CTNND2: variants seen among roughly 807,000 people sequenced by gnomAD.
The protein encoded by CTNND2 is catenin delta 2.
CTNND2 carries 22 observed loss-of-function variants against 144.4 expected under a neutral mutation model. That is an observed-to-expected ratio of 0.15 (90% CI 0.11 to 0.22). The LOEUF is 0.22. CTNND2 is among the 10% of genes least tolerant of loss of function. The pLI is 1.00. For missense variants in CTNND2, 1,353 were observed against 1,618.8 expected (o/e 0.84, Z 2.82); for synonymous variants, 751 against 695.6 (o/e 1.08, Z -1.25).
chr5:11,115,246 AAAG>A (rs1753427130), intron 13 of CTNND2, among the ~76,000 whole-genome samples: 1 of 152,224 alleles, frequency 6.6e-6, no homozygotes, highest in Non-Finnish European at 1.5e-5. Context: ...CATCTGACAG[AAAG>A]AAGATGTTTG....
At chr5:11,496,092 T>G (rs1276547788) in intron 3 of CTNND2, among the ~76,000 whole-genome samples, 1 of 152,216 alleles carries the variant, frequency 6.6e-6, no homozygotes, top group Non-Finnish European at 1.5e-5. Context: ...TAAATACAAG[T>G]GAACACAATC....
At chr5:11,705,595 A>G (rs967599865) in intron 2 of CTNND2, among the ~76,000 whole-genome samples, 1 of 152,202 alleles carries the variant, frequency 6.6e-6, no homozygotes, top group Admixed American at 6.5e-5. Context: ...CTTTATTCAT[A>G]TAGGAACATT....
chr5:11,223,934 T>C (rs1740056313), intron 10 of CTNND2, among the ~76,000 whole-genome samples: 1 of 152,158 alleles, frequency 6.6e-6, no homozygotes, highest in South Asian at 2.1e-4. Context: ...TAGATGCATA[T>C]GGCAGCTAGT....
chr5:11,813,980 T>C (rs1266412485), intron 1 of CTNND2, among the ~76,000 whole-genome samples: 1 of 152,230 alleles, frequency 6.6e-6, no homozygotes, highest in East Asian at 1.9e-4. Flanking sequence ...CATAATCTAT[T>C]ACAACTACCA....
chr5:11,238,669 A>G (rs980172071), intron 9 of CTNND2, among the ~76,000 whole-genome samples: 3 of 152,210 alleles, frequency 2.0e-5, no homozygotes, highest in African/African-American at 7.2e-5. Flanking sequence ...AAATTTACAT[A>G]CAGTCAGACA....
intron 3 of CTNND2, among the ~76,000 whole-genome samples, chr5:11,564,339 G>A (rs967628706): frequency 2.6e-5 from 4 of 152,136 alleles, no homozygotes; most frequent in Non-Finnish European, 5.9e-5. Context: ...ATATACGAAA[G>A]CCTGGTTCTA....
At chr5:11,773,372 A>C (rs143835899) in intron 1 of CTNND2, among the ~76,000 whole-genome samples, 1 of 152,246 alleles carries the variant, frequency 6.6e-6, no homozygotes. Context: ...TAATTATTTA[A>C]TAAGTACAAT....
chr5:11,685,970 C>A (rs538604243), intron 2 of CTNND2, among the ~76,000 whole-genome samples: 1 of 152,216 alleles, frequency 6.6e-6, no homozygotes, highest in Admixed American at 6.5e-5. Context: ...TTTGGGAGGC[C>A]AAGGCAGGCC....
At chr5:10,989,532 C>A (rs192487778) in intron 19 of CTNND2, among the ~76,000 whole-genome samples, 6 of 152,258 alleles carry the variant, frequency 3.9e-5, no homozygotes, top group Admixed American at 2.0e-4. Flanking sequence ...CTTTCCTTTG[C>A]TAGTGTCAAA....
intron 14 of CTNND2, among the ~76,000 whole-genome samples, chr5:11,101,885 A>ATATG (rs1554043726): frequency 1.1e-5 from 1 of 89,580 alleles, no homozygotes; most frequent in Non-Finnish European, 2.5e-5. Flanking sequence ...TGACGACCAC[A>ATATG]TATGTGTGTG....
At chr5:11,527,629 T>A (rs901155176) in intron 3 of CTNND2, among the ~76,000 whole-genome samples, 1 of 152,232 alleles carries the variant, frequency 6.6e-6, no homozygotes, top group African/African-American at 2.4e-5. Flanking sequence ...TGAGACTTTT[T>A]ATCAGTTGTT....
At chr5:11,775,216 G>A (rs1790184873) in intron 1 of CTNND2, among the ~76,000 whole-genome samples, 3 of 152,142 alleles carry the variant, frequency 2.0e-5, no homozygotes, top group Admixed American at 2.0e-4. Context: ...ACAAAAGAGT[G>A]AAAGACATTT....
intron 21 of CTNND2, 140 bp downstream of exon 21, chr5:10,981,633 G>A (rs549019332): frequency 4.2e-5 from 32 of 753,794 alleles, no homozygotes; most frequent in South Asian, 2.0e-4. Flanking sequence ...TGCAACAGGC[G>A]TGAGGAGAGG....
At chr5:11,218,333 G>A (rs757387268) in intron 10 of CTNND2, among the ~76,000 whole-genome samples, 3 of 152,110 alleles carry the variant, frequency 2.0e-5, no homozygotes, top group South Asian at 2.1e-4. Flanking sequence ...TGTCATCGGA[G>A]TCATGCTGGT....
At chr5:11,864,587 C>A (rs1327341510) in intron 1 of CTNND2, among the ~76,000 whole-genome samples, 4 of 152,316 alleles carry the variant, frequency 2.6e-5, no homozygotes, top group South Asian at 2.1e-4. Flanking sequence ...CACCATCTAC[C>A]TGTCTGGTGT....
intron 9 of CTNND2, among the ~76,000 whole-genome samples, chr5:11,242,663 GA>G (rs1156397954): frequency 1.3e-5 from 2 of 152,316 alleles, no homozygotes; most frequent in East Asian, 3.9e-4. Flanking sequence ...CCCGAGTTGA[GA>G]AGCTCTGGTC....
intron 2 of CTNND2, among the ~76,000 whole-genome samples, chr5:11,671,197 C>T (rs903155800): frequency 6.6e-6 from 1 of 152,162 alleles, no homozygotes; most frequent in Non-Finnish European, 1.5e-5. Flanking sequence ...TTCTCTCTGG[C>T]TGCCCTTAAC....
chr5:11,203,331 A>G (rs1295377751), intron 10 of CTNND2, among the ~76,000 whole-genome samples: 2 of 152,196 alleles, frequency 1.3e-5, no homozygotes, highest in Non-Finnish European at 2.9e-5. Flanking sequence ...ATCACTCCAC[A>G]TCCAGCAAGC....
chr5:11,423,678 T>G (rs1762544954), intron 3 of CTNND2, among the ~76,000 whole-genome samples: 2 of 152,202 alleles, frequency 1.3e-5, no homozygotes, highest in Admixed American at 1.3e-4. Context: ...ACTCCTCTGT[T>G]CCTCTAAAAT....
Sources: gnomAD v4.1 joint callset for allele counts (sites outside exome capture counted in the v4.1 genomes callset) on GRCh38, gnomAD v4.1.1 for gene constraint, MANE v1.5 for transcripts, NCBI Gene and HGNC (gene_info 2026-07-23, HGNC 2026-07-21) for gene names.